The following ENDOD1 variants were observed in gnomAD, a reference collection of about 807,000 sequenced individuals.
The protein encoded by ENDOD1 is endonuclease domain containing 1.
Under a neutral mutation model 6.5 loss-of-function variants are expected in ENDOD1, and 9 were observed. The ratio of observed to expected loss-of-function variants is 1.39; its 90% CI spans 0.84 to 2.43. ENDOD1 has a LOEUF of 2.43. Ranked by LOEUF, ENDOD1 falls within the 30% of genes most tolerant of loss-of-function variation. The pLI, the probability that ENDOD1 is intolerant of heterozygous loss-of-function variation, is 0.00. For missense variants in ENDOD1, 648 were observed against 635.5 expected, an observed-to-expected ratio of 1.02 and a Z score of -0.21; for synonymous variants, 255 against 255.2, an observed-to-expected ratio of 1.00 and a Z score of 0.01.
At chr11:95,113,492 A>G (rs1744691374) in intron 1 of ENDOD1, among the ~76,000 whole-genome samples, 1 of 152,202 alleles carries the variant, frequency 6.6e-6, no homozygotes, top group African/African-American at 2.4e-5. Context: ...AAGTGAGAAA[A>G]TGCAATGTTT....
chr11:95,097,362 G>A (rs1184651006), intron 1 of ENDOD1, among the ~76,000 whole-genome samples: 1 of 152,160 alleles, frequency 6.6e-6, no homozygotes, highest in African/African-American at 2.4e-5. Context: ...AAAACGTTCT[G>A]GGTAAAGGGA....
At chr11:95,101,760 G>A (rs1859043162) in intron 1 of ENDOD1, among the ~76,000 whole-genome samples, 1 of 152,096 alleles carries the variant, frequency 6.6e-6, no homozygotes, top group South Asian at 2.1e-4. Context: ...CATCTAATAA[G>A]CCCCTCAAAC....
At chr11:95,115,701 G>T (rs1859201879) in intron 1 of ENDOD1, among the ~76,000 whole-genome samples, 1 of 152,028 alleles carries the variant, frequency 6.6e-6, no homozygotes, top group Admixed American at 6.6e-5. Context: ...ATTGTGAAGA[G>T]ATGTTGAATT....
Position 95,090,208 on chromosome 11 carries a change from G to A in ENDOD1, c.281G>A (p.Arg94Gln). Residue 94 changes from arginine (R) to glutamine (Q), a missense_variant, in exon 1 of 2, where the codon CGA becomes CAA. Arg to Gln is a conservative substitution (Grantham distance 43). Transcript: ENST00000278505. Reference protein sequence around the residue: ...PRPAPGGAEQRWLVEPQIDDP... With the variant: ...PRPAPGGAEQQWLVEPQIDDP... ...CCTGCGCCCGGCGGCGCCGAGCAGC[G>A]ATGGCTGGTGGAGCCGCAGGTAAGC... 1 of 1,402,546 alleles carries A rather than the reference G, an allele frequency of 7.1e-7. No individual in the cohort carries two copies. Among genetic ancestry groups the A allele is most frequent in the Non-Finnish European group, 9.4e-7 (1 of 1,064,808 alleles). 86.9% of individuals were successfully genotyped at this position (1,402,546 alleles called of 1,614,324 possible). A position where few individuals can be genotyped will look rare whatever the true frequency, so the allele number is the denominator to read the frequency against.
chr11:95,116,210 A>G (rs1859207463), intron 1 of ENDOD1, among the ~76,000 whole-genome samples: 1 of 151,846 alleles, frequency 6.6e-6, no homozygotes, highest in Non-Finnish European at 1.5e-5. Context: ...TTCCTTGTTC[A>G]ATTTTGGTTG....
chr11:95,100,889 C>A (rs1555110793), intron 1 of ENDOD1, among the ~76,000 whole-genome samples: 1 of 42,134 alleles, frequency 2.4e-5, no homozygotes, highest in Non-Finnish European at 6.0e-5. Context: ...TTTTTTTTGC[C>A]TTCCGTGATA....
At chr11:95,096,420 C>T (rs910065889) in intron 1 of ENDOD1, among the ~76,000 whole-genome samples, 1 of 151,914 alleles carries the variant, frequency 6.6e-6, no homozygotes, top group Middle Eastern at 3.4e-3. Flanking sequence ...ATAGGCTGAA[C>T]CAAGAATAGA....
intron 1 of ENDOD1, among the ~76,000 whole-genome samples, chr11:95,111,394 G>A (rs1591015473): frequency 1.3e-5 from 2 of 152,000 alleles, no homozygotes; most frequent in East Asian, 1.9e-4. Context: ...TGATTCAAGA[G>A]CATTACTTTT....
chr11:95,109,027 G>A lies in ENDOD1; in HGVS notation c.300+18800G>A, dbSNP rs1418421319. 2.0e-5 allele frequency among the ~76,000 whole-genome samples: 3 copies of A among 152,200 alleles called. No individual in the cohort carries two copies. The East Asian group carries it at 5.8e-4, about 29-fold the overall frequency. On this transcript the variant is annotated intron_variant, in intron 1 of 1. Transcript: ENST00000278505. The stretch of plus-strand genomic sequence containing the variant: ...TACATCCCAGTGTGTGTGGGTGTGT[G>A]CCTATATTGTAGTTCACACAGCAGA...
At chr11:95,103,499 C>A (rs973058947) in intron 1 of ENDOD1, among the ~76,000 whole-genome samples, 1 of 152,124 alleles carries the variant, frequency 6.6e-6, no homozygotes, top group Non-Finnish European at 1.5e-5. Flanking sequence ...TCCAAGATGT[C>A]GTCCTGGAAC....
intron 1 of ENDOD1, among the ~76,000 whole-genome samples, chr11:95,090,571 G>A (rs531444019): frequency 6.6e-6 from 1 of 152,332 alleles, no homozygotes; most frequent in Admixed American, 6.5e-5. Context: ...CAGAGACCCT[G>A]GAGACCGTTC....
At chr11:95,094,256 A>C (rs1405317287) in intron 1 of ENDOD1, among the ~76,000 whole-genome samples, 1 of 151,904 alleles carries the variant, frequency 6.6e-6, no homozygotes, top group Non-Finnish European at 1.5e-5. Context: ...GAAAGGAGGA[A>C]ACTGGCTAAG....
chr11:95,111,371 G>T (rs1487043051), intron 1 of ENDOD1, among the ~76,000 whole-genome samples: 1 of 152,112 alleles, frequency 6.6e-6, no homozygotes, highest in East Asian at 1.9e-4. Context: ...GGAGCAGGGG[G>T]ATGGTTTCGG....
At position 95,090,238 on chromosome 11, in the gene ENDOD1, T is replaced by C; in HGVS notation, c.300+11T>C. 1 of 1,372,244 alleles carries C rather than the reference T, an allele frequency of 7.3e-7. No homozygotes were observed. Among genetic ancestry groups the C allele is most frequent in the Non-Finnish European group, 9.5e-7 (1 of 1,056,966 alleles). 85.0% of individuals were successfully genotyped at this position (1,372,244 alleles called of 1,614,324 possible). On this transcript the variant is annotated intron_variant, in intron 1 of 1. Coordinates refer to ENST00000278505, the MANE Select transcript of ENDOD1 (RefSeq NM_015036.3). ...CTGGTGGAGCCGCAGGTAAGCGAAG[T>C]GGTTCCCGAGCCGGGCTGCGGGCGC...
intron 1 of ENDOD1, among the ~76,000 whole-genome samples, chr11:95,116,697 A>AT (rs1256363429): frequency 6.6e-6 from 1 of 152,032 alleles, no homozygotes; most frequent in East Asian, 1.9e-4. Flanking sequence ...TGTTTCCATT[A>AT]TTATTTGTTT....
Position 95,129,591 on chromosome 11 carries a change from T to G in ENDOD1, c.*12T>G. The G allele has an allele frequency of 6.2e-7, 1 of 1,601,250 alleles. No homozygotes were observed. The highest frequency in any genetic ancestry group is 1.3e-5 in the African/African-American group (1 of 74,486). ...CTGGGGAGTTATAAACTCAAAAAACTAATAGTATCCAGTCACAGTGAATTT... is the reference window on the plus strand; with the variant it reads ...CTGGGGAGTTATAAACTCAAAAAACGAATAGTATCCAGTCACAGTGAATTT... On this transcript the variant is annotated 3_prime_UTR_variant, in exon 2 of 2. Transcript: ENST00000278505.
At chr11:95,094,191 T>C (rs1858958989) in intron 1 of ENDOD1, among the ~76,000 whole-genome samples, 1 of 150,304 alleles carries the variant, frequency 6.7e-6, no homozygotes, top group South Asian at 2.1e-4. Flanking sequence ...GTAACAATAG[T>C]GTATATTTGT....
chr11:95,109,397 T>C (rs1241471778), intron 1 of ENDOD1, among the ~76,000 whole-genome samples: 15 of 152,174 alleles, frequency 9.9e-5, no homozygotes, highest in African/African-American at 3.6e-4. Context: ...CATCTGCAAA[T>C]TGGAGGAAAT....
chr11:95,090,005 G>C lies in ENDOD1; in HGVS notation c.78G>C (p.Glu26Asp). 1 of 1,572,632 alleles carries C rather than the reference G, an allele frequency of 6.4e-7. No individual in the cohort carries two copies. Among genetic ancestry groups the C allele is most frequent in the Non-Finnish European group, 8.6e-7 (1 of 1,161,506 alleles). The change falls in exon 1 of 2, where the codon GAG becomes GAC. Residue 26 changes from glutamate to aspartate, a missense_variant. Glu to Asp is a conservative substitution (Grantham distance 45, BLOSUM62 2). Coordinates refer to ENST00000278505, the MANE Select transcript of ENDOD1 (RefSeq NM_015036.3). ...TGCTGGAAGGCCGGCTCGTGGGCGA[G>C]GAGGAAGCCGGCTTTGGCGAATGTG... ...AGLLEGRLVG[E>D]EEAGFGECDK...
Sources: allele counts gnomAD v4.1 joint callset (sites outside exome capture counted in the v4.1 genomes callset), GRCh38; gene constraint gnomAD v4.1.1; transcripts MANE v1.5; gene names NCBI Gene and HGNC (gene_info 2026-07-23, HGNC 2026-07-21).